Variants in MLPH observed in about 807,000 individuals in gnomAD.
MLPH encodes the protein exophilin-3.
MLPH carries 51 observed loss-of-function variants against 72.1 expected under a neutral mutation model. The ratio of observed to expected loss-of-function variants is 0.71; its 90% CI spans 0.56 to 0.89. MLPH has a LOEUF of 0.89. MLPH is among the 40% of genes least tolerant of loss of function. The probability of loss-of-function intolerance (pLI) is 0.00; values close to 1 mark genes in which losing one functional copy is unlikely to be tolerated. For missense variants in MLPH, 743 were observed against 759.9 expected, an observed-to-expected ratio of 0.98 and a Z score of 0.26; for synonymous variants, 301 against 310.1, an observed-to-expected ratio of 0.97 and a Z score of 0.31.
At chr2:237,513,988 T>G (rs2079961746) in intron 4 of MLPH, among the ~76,000 whole-genome samples, 1 of 152,210 alleles carries the variant, frequency 6.6e-6, no homozygotes, top group Non-Finnish European at 1.5e-5. Context: ...GTGTTTACCG[T>G]GTATACATGG....
chr2:237,520,438 G>T (rs1397438728), intron 6 of MLPH, among the ~76,000 whole-genome samples: 1 of 152,054 alleles, frequency 6.6e-6, no homozygotes, highest in Non-Finnish European at 1.5e-5. Flanking sequence ...ACTGGGAGGG[G>T]AACATACACT....
chr2:237,542,573 G>A lies in MLPH; in HGVS notation c.1453G>A (p.Asp485Asn). 6.2e-7 allele frequency: 1 copy of A among 1,601,152 alleles called. No homozygotes were observed. Reference sequence around the variant, plus strand: ...GTCTGCTGTCCTCTCGCAGGTTTCAGACATTGAATCCAGGATTGCAGCCCT... The same window carrying A: ...GTCTGCTGTCCTCTCGCAGGTTTCAAACATTGAATCCAGGATTGCAGCCCT... ...EVQQAESEVS[D>N]IESRIAALRA... is the part of the protein sequence containing the mutation. Residue 485 changes from aspartate (D) to asparagine (N), a missense_variant, in exon 12 of 16, where the codon GAC becomes AAC. Coordinates refer to ENST00000264605, the MANE Select transcript of MLPH (RefSeq NM_024101.7).
upstream of MLPH, chr2:237,486,531 C>G (rs2079322130): frequency 6.6e-6 from 1 of 152,248 alleles, no homozygotes; most frequent in Admixed American, 6.5e-5. Flanking sequence ...AGGAGAAGAG[C>G]GCAGCGGCGC....
chr2:237,501,133 T>G (rs538502360), intron 2 of MLPH, among the ~76,000 whole-genome samples: 1 of 152,260 alleles, frequency 6.6e-6, no homozygotes, highest in South Asian at 2.1e-4. Flanking sequence ...AGTGAGTCAT[T>G]TCCTTGTTAG....
chr2:237,508,181 G>A (rs914380854), intron 2 of MLPH, among the ~76,000 whole-genome samples: 7 of 151,808 alleles, frequency 4.6e-5, no homozygotes, highest in African/African-American at 9.7e-5. Context: ...ACACAATCTC[G>A]GCTCACTGCA....
intron 13 of MLPH, among the ~76,000 whole-genome samples, chr2:237,548,758 A>G (rs987759043): frequency 6.6e-6 from 1 of 152,252 alleles, no homozygotes; most frequent in Non-Finnish European, 1.5e-5. Flanking sequence ...GGGCGCCTGT[A>G]GGCCCAGCTA....
At chr2:237,533,781 A>G (rs967775941) in intron 8 of MLPH, among the ~76,000 whole-genome samples, 2 of 152,242 alleles carry the variant, frequency 1.3e-5, no homozygotes, top group African/African-American at 4.8e-5. Context: ...GCGTGGGCCG[A>G]GGTCTAACTG....
chr2:237,510,807 C>T lies in MLPH; in HGVS notation c.332+12C>T, dbSNP rs761540314. 7 of 1,612,926 alleles carry T rather than the reference C, an allele frequency of 4.3e-6. No homozygotes were observed. Among genetic ancestry groups the T allele is most frequent in the Non-Finnish European group, 5.9e-6 (7 of 1,179,872 alleles). On this transcript the variant is annotated intron_variant, in intron 3 of 15. Coordinates refer to ENST00000264605, the MANE Select transcript of MLPH (RefSeq NM_024101.7). The surrounding 1 kb of genome is among the most constrained non-coding windows in gnomAD (Gnocchi z 4.4). ...TGCCATCTGGCCAGGTGAGCCCAGG[C>T]CTTGAGGTAAAATGACCTTGATAGT...
chr2:237,530,193 A>G (rs2080390413), intron 8 of MLPH, among the ~76,000 whole-genome samples: 1 of 150,744 alleles, frequency 6.6e-6, no homozygotes, highest in African/African-American at 2.5e-5. Flanking sequence ...TCACTAGACC[A>G]GCACTGGCTC....
Position 237,542,617 on chromosome 2 carries a change from G to T in MLPH, c.1497G>T (p.Thr499=). The T allele has an allele frequency of 1.2e-6, 2 of 1,601,942 alleles. No individual in the cohort carries two copies. The highest frequency in any genetic ancestry group is 1.7e-6 in the Non-Finnish European group (2 of 1,175,306). ...RIAALRAAGL[T]VKPSGKPRRK... ...CAGCCCTGAGGGCCGCAGGGCTCAC[G>T]GTGAAGCCCTCGGGAAAGCCCCGGA... is the stretch of plus-strand genomic sequence containing the variant. The change falls in exon 12 of 16, where the codon ACG becomes ACT. Residue 499 remains threonine, a synonymous_variant. Transcript: ENST00000264605.
At chr2:237,519,806 G>GC in intron 5 of MLPH, 104 bp from the exon 6 acceptor site, 2 of 1,549,492 alleles carry the variant, frequency 1.3e-6, no homozygotes, top group East Asian at 2.2e-5. Flanking sequence ...AGCCTGCCCC[G>GC]CCCCTCTGGG....
chr2:237,532,713 C>G (rs537149375), intron 8 of MLPH, among the ~76,000 whole-genome samples: 2 of 152,204 alleles, frequency 1.3e-5, no homozygotes, highest in Non-Finnish European at 2.9e-5. Context: ...ATGACTGGTG[C>G]CCACACAGGG....
intron 15 of MLPH, chr2:237,552,975 G>C (rs1179787729): frequency 2.6e-6 from 1 of 387,404 alleles, no homozygotes; most frequent in African/African-American, 2.1e-5. Context: ...TGAAAAGAAA[G>C]TGCACTCCAC....
intron 1 of MLPH, among the ~76,000 whole-genome samples, chr2:237,491,508 A>G (rs560438181): frequency 3.9e-5 from 6 of 152,362 alleles, no homozygotes; most frequent in Non-Finnish European, 5.9e-5. Context: ...AGCACCTGCC[A>G]TGTGCTGGGA....
Position 237,525,794 on chromosome 2 carries a change from C to T in MLPH, c.869C>T (p.Ala290Val). The T allele has an allele frequency of 6.2e-7, 1 of 1,612,282 alleles. No individual in the cohort carries two copies. Among genetic ancestry groups the T allele is most frequent in the Non-Finnish European group, 8.5e-7 (1 of 1,179,978 alleles). The change falls in exon 7 of 16, where the codon GCT becomes GTT. Residue 290 changes from alanine to valine, a missense_variant. By Grantham distance (64) the Ala-to-Val change is moderately conservative. Coordinates refer to ENST00000264605, the MANE Select transcript of MLPH (RefSeq NM_024101.7). The part of the protein sequence containing the change: ...GGSHRMALGT[A>V]AALGSNVIRN... ...TCCCACAGGATGGCCCTGGGGACTGCTGCTGCACTCGGTAGGTGCCCTTGG... is the reference window on the plus strand; with the variant it reads ...TCCCACAGGATGGCCCTGGGGACTGTTGCTGCACTCGGTAGGTGCCCTTGG...
chr2:237,538,621 G>A (rs1283416921), intron 9 of MLPH, among the ~76,000 whole-genome samples: 1 of 152,166 alleles, frequency 6.6e-6, no homozygotes. Flanking sequence ...TGTCTGCCTG[G>A]TGTTCAGCTC....
chr2:237,495,764 G>C (rs1444069719), intron 2 of MLPH, among the ~76,000 whole-genome samples: 3 of 152,148 alleles, frequency 2.0e-5, no homozygotes, highest in African/African-American at 7.2e-5. Context: ...CCAACCTGCT[G>C]GCCCTGGTAC....
intron 12 of MLPH, among the ~76,000 whole-genome samples, chr2:237,543,008 GGAGACAGTGGTGAGTT>G (rs2106386018): frequency 4.6e-5 from 3 of 64,668 alleles, no homozygotes; most frequent in Admixed American, 1.5e-4. Context: ...AGTGGTGAGT[GGAGACAGTGGTGAGTT>G]GGGGGACAGT....
In MLPH at chr2:237,549,251, A is replaced by G. The variant is rs2080983857; in HGVS notation, c.1648A>G (p.Lys550Glu). 1 of 1,614,102 alleles carries G rather than the reference A, an allele frequency of 6.2e-7. No homozygotes were observed. The highest frequency in any genetic ancestry group is 1.3e-5 in the African/African-American group (1 of 74,938). ...AMAVPYLLRRKFSNSLKSQGK... is the reference protein window; with the variant it reads ...AMAVPYLLRREFSNSLKSQGK... The stretch of plus-strand genomic sequence containing the variant: ...GGCTGTGCCCTATCTTCTGAGAAGA[A>G]AGTTCAGTAATTCCCTGAAAAGTCA... The change falls in exon 14 of 16, where the codon AAG becomes GAG. Residue 550 changes from lysine (K) to glutamate (E), a missense_variant. Coordinates refer to ENST00000264605, the MANE Select transcript of MLPH (RefSeq NM_024101.7).
Sources: gnomAD v4.1 joint callset for allele counts (sites outside exome capture counted in the v4.1 genomes callset) on GRCh38, gnomAD v4.1.1 for gene constraint, Gnocchi (gnomAD v3.1) non-coding constraint, MANE v1.5 for transcripts, NCBI Gene and HGNC (gene_info 2026-07-23, HGNC 2026-07-21) for gene names.